The following WDPCP variants were observed in gnomAD, a reference collection of about 807,000 sequenced individuals.
The protein encoded by WDPCP is WD repeat-containing and planar cell polarity effector protein fritz homolog.
WDPCP carries 71 observed loss-of-function variants against 93.1 expected under a neutral mutation model. The observed-to-expected ratio is 0.76, with a 90% CI of 0.63 to 0.93. The LOEUF (loss-of-function observed/expected upper bound fraction) is 0.93. Ranked by LOEUF, WDPCP falls within the 40% of genes least tolerant of loss-of-function variation. The pLI, the probability that WDPCP is intolerant of heterozygous loss-of-function variation, is 0.00. For missense variants in WDPCP, 844 were observed against 887.4 expected (o/e 0.95, Z 0.62); for synonymous variants, 315 against 315.0 (o/e 1.00, Z 0.00).
At chr2:63,565,938 T>C (rs1380778569) in intron 1 of WDPCP, among the ~76,000 whole-genome samples, 3 of 152,222 alleles carry the variant, frequency 2.0e-5, no homozygotes, top group Admixed American at 6.5e-5. Context: ...TCTAGTTTTA[T>C]ATCCACTGCC....
At chr2:63,718,070 C>T (rs1669362919) in intron 2 of WDPCP, among the ~76,000 whole-genome samples, 2 of 151,672 alleles carry the variant, frequency 1.3e-5, no homozygotes, top group Non-Finnish European at 2.9e-5. Flanking sequence ...AAACATTAAA[C>T]AATGAATAGT....
At chr2:63,582,195 A>C (rs576389528) in intron 1 of WDPCP, among the ~76,000 whole-genome samples, 4 of 152,270 alleles carry the variant, frequency 2.6e-5, no homozygotes, top group African/African-American at 9.6e-5. Flanking sequence ...ATGTTAAACA[A>C]ATGTAGTAGA....
At chr2:63,418,881 T>C (rs1695625440) in intron 9 of WDPCP, among the ~76,000 whole-genome samples, 1 of 152,210 alleles carries the variant, frequency 6.6e-6, no homozygotes, top group South Asian at 2.1e-4. Context: ...GTGAGTTAGC[T>C]AAACCACAGG....
chr2:63,732,897 A>T (rs1005688412), intron 2 of WDPCP, among the ~76,000 whole-genome samples: 4 of 152,216 alleles, frequency 2.6e-5, no homozygotes, highest in Non-Finnish European at 5.9e-5. Flanking sequence ...CAGAAACATG[A>T]AGAACTACAG....
rs1318006461 is a variant in WDPCP at position 63,259,292 on chromosome 2, A to AGCGTT, written c.1915+10_1915+14dup. On this transcript the variant is annotated intron_variant, in intron 14 of 17. Coordinates refer to ENST00000272321, the MANE Select transcript of WDPCP (RefSeq NM_015910.7). ...ATTAAAATAAAAAGCACTTAAAAAT[A>AGCGTT]GCGTTAATTCTTACCAACCCCAGAG... The AGCGTT allele has an allele frequency of 6.3e-7, 1 of 1,599,886 alleles. No homozygotes were observed. The highest frequency in any genetic ancestry group is 8.6e-7 in the Non-Finnish European group (1 of 1,168,498).
At chr2:63,618,964 C>T (rs1709703125) in intron 3 of WDPCP, among the ~76,000 whole-genome samples, 1 of 152,218 alleles carries the variant, frequency 6.6e-6, no homozygotes, top group Non-Finnish European at 1.5e-5. Context: ...GCTGGGATTA[C>T]AGGCATGAGC....
At chr2:63,555,657 G>C (rs1475759403) in intron 1 of WDPCP, among the ~76,000 whole-genome samples, 1 of 152,220 alleles carries the variant, frequency 6.6e-6, no homozygotes, top group Non-Finnish European at 1.5e-5. Context: ...AGCCATCTTT[G>C]TTGTTCTGCA....
intron 12 of WDPCP, among the ~76,000 whole-genome samples, chr2:63,316,074 T>G (rs971340648): frequency 6.6e-6 from 1 of 152,052 alleles, no homozygotes; most frequent in Non-Finnish European, 1.5e-5. Flanking sequence ...ATTTGACACA[T>G]TTGAAGAAAG....
At chr2:63,508,783 C>G (rs527389182) in intron 1 of WDPCP, among the ~76,000 whole-genome samples, 1 of 152,074 alleles carries the variant, frequency 6.6e-6, no homozygotes, top group African/African-American at 2.4e-5. Context: ...GGTTGCAATC[C>G]TAGTCTCTGA....
At chr2:63,529,470 A>C (rs536165491) in intron 1 of WDPCP, among the ~76,000 whole-genome samples, 2 of 152,308 alleles carry the variant, frequency 1.3e-5, no homozygotes, top group East Asian at 3.9e-4. Context: ...CTATTGAGAT[A>C]ATCATGTGGT....
At chr2:63,197,296 T>C (rs1408374770) in intron 14 of WDPCP, among the ~76,000 whole-genome samples, 2 of 152,198 alleles carry the variant, frequency 1.3e-5, no homozygotes, top group Non-Finnish European at 2.9e-5. Flanking sequence ...GCTTACTCTA[T>C]TGTAAGAAGA....
chr2:63,252,628 ACATT>A (rs1244244807), intron 14 of WDPCP, among the ~76,000 whole-genome samples: 1 of 152,168 alleles, frequency 6.6e-6, no homozygotes, highest in Admixed American at 6.6e-5. Context: ...TATACTAATA[ACATT>A]CAAGCTGAGA....
At chr2:63,575,489 A>ATACAGTGTATGCACT (rs1257278044) in intron 1 of WDPCP, among the ~76,000 whole-genome samples, 2 of 17,288 alleles carry the variant, frequency 1.2e-4, no homozygotes, top group African/African-American at 1.7e-4. Flanking sequence ...GTGTATATAT[A>ATACAGTGTATGCACT]GTATATACAG....
intron 12 of WDPCP, among the ~76,000 whole-genome samples, chr2:63,319,623 G>T (rs1686934271): frequency 1.3e-5 from 2 of 151,806 alleles, no homozygotes; most frequent in African/African-American, 4.8e-5. Context: ...GGACTACAGG[G>T]GCCCACTACC....
chr2:63,270,705 T>C (rs533867425), intron 13 of WDPCP, among the ~76,000 whole-genome samples: 184 of 152,204 alleles, frequency 1.2e-3, no homozygotes, highest in African/African-American at 4.1e-3. Context: ...AACTCCCCAG[T>C]GCAGGGAAAA....
At chr2:63,511,944 C>T (rs1702263719) in intron 1 of WDPCP, among the ~76,000 whole-genome samples, 1 of 152,166 alleles carries the variant, frequency 6.6e-6, no homozygotes, top group Non-Finnish European at 1.5e-5. Context: ...AAGAAACTAT[C>T]ATCAGAGTGA....
chr2:63,142,413 C>T (rs183636056), intron 17 of WDPCP, among the ~76,000 whole-genome samples: 26 of 152,182 alleles, frequency 1.7e-4, no homozygotes, highest in Admixed American at 1.5e-3. Flanking sequence ...TTCAGGAGGA[C>T]GTTATTTAAT....
chr2:63,302,751 T>C (rs954692839), intron 13 of WDPCP, among the ~76,000 whole-genome samples: 3 of 152,352 alleles, frequency 2.0e-5, no homozygotes, highest in South Asian at 2.1e-4. Context: ...TCTTTCTGTA[T>C]GGTTCTGTCA....
intron 9 of WDPCP, among the ~76,000 whole-genome samples, chr2:63,420,261 G>A (rs952524890): frequency 4.0e-5 from 6 of 150,478 alleles, no homozygotes; most frequent in Admixed American, 1.3e-4. Flanking sequence ...GGTGGCTCAC[G>A]CCTGTAATCC....
Sources: gnomAD v4.1 joint callset for allele counts (sites outside exome capture counted in the v4.1 genomes callset) on GRCh38, gnomAD v4.1.1 for gene constraint, MANE v1.5 for transcripts, NCBI Gene and HGNC (gene_info 2026-07-23, HGNC 2026-07-21) for gene names.